The following BBS9 variants were observed in gnomAD, a reference collection of about 807,000 sequenced individuals.
BBS9 encodes Bardet-Biedl syndrome 9.
BBS9 carries 89 observed loss-of-function variants against 117.7 expected under a neutral mutation model. The observed-to-expected ratio is 0.76, with a 90% CI of 0.64 to 0.90. The LOEUF is 0.90. BBS9 is among the 40% of genes least tolerant of loss of function. The pLI, the probability that BBS9 is intolerant of heterozygous loss-of-function variation, is 0.00. For missense variants in BBS9, 982 were observed against 1,042.2 expected (o/e 0.94, Z 0.80); for synonymous variants, 379 against 370.9 (o/e 1.02, Z -0.25).
At chr7:33,187,370 G>C (rs2128184066) in intron 5 of BBS9, among the ~76,000 whole-genome samples, 1 of 152,302 alleles carries the variant, frequency 6.6e-6, no homozygotes, top group East Asian at 1.9e-4. Flanking sequence ...TACCTTGTTG[G>C]CTGTGAAAAG....
At chr7:33,400,699 T>C (rs765073918) in intron 19 of BBS9, among the ~76,000 whole-genome samples, 6 of 152,142 alleles carry the variant, frequency 3.9e-5, no homozygotes, top group Non-Finnish European at 7.4e-5. Context: ...TGAGCAGTTA[T>C]ATCAACCCCG....
At chr7:33,167,694 C>G (rs1332451609) in intron 4 of BBS9, among the ~76,000 whole-genome samples, 1 of 152,130 alleles carries the variant, frequency 6.6e-6, no homozygotes, top group East Asian at 1.9e-4. Flanking sequence ...CCACCACGAT[C>G]AGCCTTAAAT....
At chr7:33,281,746 T>TA (rs1801950588) in intron 9 of BBS9, among the ~76,000 whole-genome samples, 2 of 152,046 alleles carry the variant, frequency 1.3e-5, no homozygotes, top group South Asian at 4.1e-4. Flanking sequence ...TATTCCATGG[T>TA]AAAAATGTAT....
intron 21 of BBS9, among the ~76,000 whole-genome samples, chr7:33,625,009 G>C (rs1313473639): frequency 6.6e-6 from 1 of 152,124 alleles, no homozygotes; most frequent in East Asian, 1.9e-4. Flanking sequence ...TGTCTGCTAG[G>C]CTTCATTGAC....
rs1337821166 is a variant in BBS9 at position 33,605,636 on chromosome 7, C to T, written c.*410C>T. ...AAAGCATCTCATTGTCAAATAATAT[C>T]TTGGATTTTATTTATAATTAGAGGG... On this transcript the variant is annotated 3_prime_UTR_variant, in exon 23 of 23. Coordinates refer to ENST00000242067, the MANE Select transcript of BBS9 (RefSeq NM_198428.3). 2 of 226,966 alleles carry T rather than the reference C, an allele frequency of 8.8e-6. No homozygotes were observed. The highest frequency in any genetic ancestry group is 4.6e-5 in the African/African-American group (2 of 43,556). 14.1% of individuals were successfully genotyped at this position (226,966 alleles called of 1,614,324 possible). A position where few individuals can be genotyped will look rare whatever the true frequency, so the allele number is the denominator to read the frequency against.
intron 9 of BBS9, among the ~76,000 whole-genome samples, chr7:33,316,759 A>T (rs973949696): frequency 6.6e-6 from 1 of 152,054 alleles, no homozygotes; most frequent in Non-Finnish European, 1.5e-5. Context: ...GTAGTTCTTT[A>T]TATAGAAGGA....
At position 33,264,882 on chromosome 7, in the gene BBS9, T is replaced by C. The variant is rs559698320; in HGVS notation, c.702+508T>C. Reference sequence around the variant, plus strand: ...TTAGAAATGTTTTGGCCATTAATTCTTTAAATATTTTGTAACTAGTAGGCA... The same window carrying C: ...TTAGAAATGTTTTGGCCATTAATTCCTTAAATATTTTGTAACTAGTAGGCA... On this transcript the variant is annotated intron_variant, in intron 7 of 22. Transcript: ENST00000242067. 3.3e-5 allele frequency among the ~76,000 whole-genome samples: 5 copies of C among 152,314 alleles called. 1 individual carries two copies. In the South Asian group the frequency reaches 1.0e-3, roughly 32 times the overall value.
At chr7:33,234,822 A>G (rs1793171915) in intron 5 of BBS9, among the ~76,000 whole-genome samples, 1 of 152,124 alleles carries the variant, frequency 6.6e-6, no homozygotes, top group Non-Finnish European at 1.5e-5. Flanking sequence ...TTTGAATGGC[A>G]TAATGGCAGT....
chr7:33,451,265 C>G (rs776308892), intron 19 of BBS9, among the ~76,000 whole-genome samples: 1 of 152,086 alleles, frequency 6.6e-6, no homozygotes, highest in Non-Finnish European at 1.5e-5. Context: ...GCCAATAAGT[C>G]CTTGCCAAAT....
intron 9 of BBS9, chr7:33,314,596 G>A (rs955541693): frequency 6.5e-6 from 1 of 154,668 alleles, no homozygotes; most frequent in Admixed American, 6.5e-5. Flanking sequence ...GGTATCTGGA[G>A]TGTTGTAGTG....
chr7:33,418,352 C>A (rs1049514758), intron 19 of BBS9, among the ~76,000 whole-genome samples: 6 of 152,140 alleles, frequency 3.9e-5, no homozygotes, highest in African/African-American at 1.4e-4. Context: ...TGTATTTTAA[C>A]CCCTGATGAC....
intron 5 of BBS9, among the ~76,000 whole-genome samples, chr7:33,194,993 G>A (rs1784714177): frequency 2.6e-5 from 4 of 152,138 alleles, no homozygotes; most frequent in Admixed American, 1.3e-4. Context: ...ACACATCCAG[G>A]CATAGCTATC....
downstream of BBS9, among the ~76,000 whole-genome samples, chr7:33,609,074 A>G (rs1238492910): frequency 1.3e-5 from 2 of 151,994 alleles, no homozygotes; most frequent in Admixed American, 6.6e-5. Flanking sequence ...TTTTCTTTCT[A>G]TGACTAGTTA....
intron 4 of BBS9, among the ~76,000 whole-genome samples, chr7:33,163,429 G>A (rs1795175786): frequency 6.6e-6 from 1 of 152,106 alleles, no homozygotes; most frequent in African/African-American, 2.4e-5. Context: ...TTGTACCTCT[G>A]GTAGAATTCG....
chr7:33,517,850 C>A (rs1156939577), intron 20 of BBS9, among the ~76,000 whole-genome samples: 2 of 152,090 alleles, frequency 1.3e-5, no homozygotes, highest in East Asian at 3.9e-4. Context: ...ATGATGAGTG[C>A]CTGATCATAC....
At chr7:33,203,084 T>G (rs2128213766) in intron 5 of BBS9, among the ~76,000 whole-genome samples, 1 of 152,266 alleles carries the variant, frequency 6.6e-6, no homozygotes, top group Admixed American at 6.5e-5. Flanking sequence ...TGTCAGAGGA[T>G]GGTATACTCT....
At chr7:33,578,486 C>T (rs1585336650) in intron 21 of BBS9, among the ~76,000 whole-genome samples, 1 of 152,300 alleles carries the variant, frequency 6.6e-6, no homozygotes, top group African/African-American at 2.4e-5. Context: ...CCTGCTTGTG[C>T]AGGCCCTTTA....
intron 19 of BBS9, among the ~76,000 whole-genome samples, chr7:33,487,767 G>A (rs1584997616): frequency 6.6e-6 from 1 of 152,266 alleles, no homozygotes; most frequent in African/African-American, 2.4e-5. Context: ...TTTCTGAACT[G>A]TGTTGTTCTC....
At chr7:33,227,884 A>G (rs964984785) in intron 5 of BBS9, among the ~76,000 whole-genome samples, 7 of 152,092 alleles carry the variant, frequency 4.6e-5, no homozygotes, top group Non-Finnish European at 8.8e-5. Context: ...CTGATTCTAT[A>G]TCTTTGCAAT....
Sources: gnomAD v4.1 joint callset for allele counts (sites outside exome capture counted in the v4.1 genomes callset) on GRCh38, gnomAD v4.1.1 for gene constraint, MANE v1.5 for transcripts, NCBI Gene and HGNC (gene_info 2026-07-23, HGNC 2026-07-21) for gene names.